ANKRD12: variants seen among roughly 807,000 people sequenced by gnomAD.
The protein encoded by ANKRD12 is ankyrin repeat domain 12, also known as ankyrin repeat domain-containing protein 12.
In ANKRD12, 85 loss-of-function variants were observed where a neutral mutation model predicts 183.4. The observed-to-expected ratio is 0.46, with a 90% CI of 0.39 to 0.56. The LOEUF (loss-of-function observed/expected upper bound fraction) is 0.56, where lower values mean the gene tolerates loss of function less well. Ranked by LOEUF, ANKRD12 falls within the 20% of genes least tolerant of loss-of-function variation. ANKRD12 has a pLI of 0.00. For synonymous variants in ANKRD12, 914 were observed against 800.2 expected (o/e 1.14, Z -2.40); for missense variants, 2,405 against 2,357.1 (o/e 1.02, Z -0.42).
intron 8 of ANKRD12, among the ~76,000 whole-genome samples, chr18:9,228,872 T>C (rs2036877412): frequency 6.6e-6 from 1 of 151,864 alleles, no homozygotes; most frequent in Admixed American, 6.6e-5. Context: ...AGCTCTAAAA[T>C]CTTTGCCTAG....
intron 10 of ANKRD12, among the ~76,000 whole-genome samples, chr18:9,275,030 T>A (rs1383946372): frequency 6.6e-6 from 1 of 151,198 alleles, no homozygotes; most frequent in Non-Finnish European, 1.5e-5. Flanking sequence ...CAAAAAAAAA[T>A]TAAAATAATA....
chr18:9,246,426 C>T (rs1213070922), intron 8 of ANKRD12, among the ~76,000 whole-genome samples: 7 of 152,154 alleles, frequency 4.6e-5, no homozygotes, highest in Non-Finnish European at 7.4e-5. Flanking sequence ...TTTGCCCTCA[C>T]GCCTCCCTGC....
At position 9,258,613 on chromosome 18, in the gene ANKRD12, C is replaced by T; in HGVS notation, c.5346C>T (p.His1782=). ...RLTEDDDPQI[H]HPRKRKVSRV... is the part of the protein sequence containing the mutation. Reference sequence around the variant, plus strand: ...CTGAAGATGACGATCCTCAAATTCACCATCCACGGAAAAGGAAAGTGTCAC... The same window carrying T: ...CTGAAGATGACGATCCTCAAATTCATCATCCACGGAAAAGGAAAGTGTCAC... Residue 1782 remains histidine, a synonymous_variant, in exon 9 of 13, where the codon CAC becomes CAT. Coordinates refer to ENST00000262126, the MANE Select transcript of ANKRD12 (RefSeq NM_015208.5). 1 of 1,613,864 alleles carries T rather than the reference C, an allele frequency of 6.2e-7. No homozygotes were observed. Among genetic ancestry groups the T allele is most frequent in the Non-Finnish European group, 8.5e-7 (1 of 1,179,896 alleles).
chr18:9,196,220 A>ACACACACACG (rs1185619315), intron 3 of ANKRD12, among the ~76,000 whole-genome samples: 2 of 147,224 alleles, frequency 1.4e-5, no homozygotes, highest in African/African-American at 5.1e-5. Context: ...ACACACACAC[A>ACACACACACG]CACTGAGGCT....
intron 8 of ANKRD12, among the ~76,000 whole-genome samples, chr18:9,248,513 GCTT>G (rs1288261485): frequency 6.6e-6 from 1 of 152,110 alleles, no homozygotes; most frequent in African/African-American, 2.4e-5. Context: ...CTTTCAGTGA[GCTT>G]CTGAAGGAGG....
Position 9,256,214 on chromosome 18 carries a change from AAATC to A in ANKRD12, c.2950_2953del (p.Ser984ValfsTer2). On this transcript the variant is annotated frameshift_variant, in exon 9 of 13. Coordinates refer to ENST00000262126, the MANE Select transcript of ANKRD12 (RefSeq NM_015208.5). LOFTEE classifies it high-confidence loss of function. ...CTCCAAACACATACAGGAAGAAAAA[AAATC>A]AAGTATAGTAGACGGTAATAAAGCA... 1 of 1,577,972 alleles carries A rather than the reference AAATC, an allele frequency of 6.3e-7. No individual in the cohort carries two copies. The highest frequency in any genetic ancestry group is 8.6e-7 in the Non-Finnish European group (1 of 1,169,486).
At chr18:9,195,439 G>GA in intron 2 of ANKRD12, 112 bp from the exon 3 acceptor site, 1 of 666,746 alleles carries the variant, frequency 1.5e-6, no homozygotes, top group Non-Finnish European at 2.2e-6. Flanking sequence ...TGAATACAGT[G>GA]ATAGGTAATA....
intron 9 of ANKRD12, among the ~76,000 whole-genome samples, chr18:9,262,716 A>G (rs1365362540): frequency 4.0e-5 from 6 of 150,418 alleles, no homozygotes; most frequent in Admixed American, 4.0e-4. Flanking sequence ...CCTAGTCTCA[A>G]GCAATCCTAC....
At chr18:9,209,706 T>A (rs1395620543) in intron 5 of ANKRD12, among the ~76,000 whole-genome samples, 1 of 152,218 alleles carries the variant, frequency 6.6e-6, no homozygotes, top group Non-Finnish European at 1.5e-5. Flanking sequence ...GGAAAGTCTG[T>A]GACCAAATTA....
intron 10 of ANKRD12, among the ~76,000 whole-genome samples, chr18:9,271,333 G>T (rs2039591607): frequency 6.6e-6 from 1 of 152,112 alleles, no homozygotes; most frequent in South Asian, 2.1e-4. Flanking sequence ...AGACCATCCT[G>T]GCTAACATGG....
chr18:9,158,371 A>G (rs557100295), intron 1 of ANKRD12, among the ~76,000 whole-genome samples: 3 of 152,218 alleles, frequency 2.0e-5, no homozygotes, highest in South Asian at 4.1e-4. Flanking sequence ...ACCGCATTAC[A>G]TTTAGTTATC....
In ANKRD12 at chr18:9,284,642, C is replaced by G. The variant is rs1436263073; in HGVS notation, c.*3516C>G. Reference sequence around the variant, plus strand: ...CATTATTTAAGTGACTTCTTGGGAGCCGTCTTTGTACCTAAAATGGAGTTT... The same window carrying G: ...CATTATTTAAGTGACTTCTTGGGAGGCGTCTTTGTACCTAAAATGGAGTTT... On this transcript the variant is annotated 3_prime_UTR_variant, in exon 13 of 13. Coordinates refer to ENST00000262126, the MANE Select transcript of ANKRD12 (RefSeq NM_015208.5). 6.6e-6 allele frequency: 1 copy of G among 151,778 alleles called. No homozygotes were observed. Among genetic ancestry groups the G allele is most frequent in the Non-Finnish European group, 1.5e-5 (1 of 67,976 alleles). The allele number at this position is 151,778 out of a possible 1,614,324, so 9.4% of individuals were successfully genotyped here.
At chr18:9,193,543 T>C (rs1202263770) in intron 2 of ANKRD12, among the ~76,000 whole-genome samples, 1 of 152,164 alleles carries the variant, frequency 6.6e-6, no homozygotes, top group Non-Finnish European at 1.5e-5. Context: ...TTTTTATCTT[T>C]TCTCTGTTTT....
At chr18:9,149,231 A>T (rs1598392736) in intron 1 of ANKRD12, among the ~76,000 whole-genome samples, 1 of 152,206 alleles carries the variant, frequency 6.6e-6, no homozygotes, top group Admixed American at 6.5e-5. Flanking sequence ...TGTTTTGTTC[A>T]TCTTAGTTCC....
intron 8 of ANKRD12, among the ~76,000 whole-genome samples, chr18:9,224,865 G>A (rs1239933780): frequency 6.6e-6 from 1 of 152,068 alleles, no homozygotes; most frequent in African/African-American, 2.4e-5. Flanking sequence ...TAATGATATG[G>A]TTAAGTATCT....
chr18:9,178,458 A>G, intron 1 of ANKRD12, among the ~76,000 whole-genome samples: 1 of 152,118 alleles, frequency 6.6e-6, no homozygotes, highest in South Asian at 2.1e-4. Context: ...TTGGATGTAT[A>G]TGTGTAGATC....
chr18:9,189,232 A>G (rs1452332028), intron 2 of ANKRD12, among the ~76,000 whole-genome samples: 2 of 152,202 alleles, frequency 1.3e-5, no homozygotes, highest in Non-Finnish European at 2.9e-5. Context: ...AGTTCAATCC[A>G]GATCAAGGCC....
intron 6 of ANKRD12, among the ~76,000 whole-genome samples, chr18:9,214,107 A>G (rs1390791991): frequency 6.6e-6 from 1 of 151,956 alleles, no homozygotes; most frequent in Non-Finnish European, 1.5e-5. Flanking sequence ...TGAGATTTGG[A>G]ACAATTTGGA....
chr18:9,212,141 C>CT (rs1315238812), intron 6 of ANKRD12, among the ~76,000 whole-genome samples: 1 of 152,196 alleles, frequency 6.6e-6, no homozygotes, highest in East Asian at 1.9e-4. Context: ...ACCATGAGGA[C>CT]TGTAAGAGTG....
Sources: allele counts gnomAD v4.1 joint callset (sites outside exome capture counted in the v4.1 genomes callset), GRCh38; gene constraint gnomAD v4.1.1; transcripts MANE v1.5; gene names NCBI Gene and HGNC (gene_info 2026-07-23, HGNC 2026-07-21).